ADGRL1: variants seen among roughly 807,000 people sequenced by gnomAD.
ADGRL1 encodes the protein CIRL-1.
In ADGRL1, 31 loss-of-function variants were observed where a neutral mutation model predicts 148.9. The ratio of observed to expected loss-of-function variants is 0.21; its 90% CI spans 0.16 to 0.28. ADGRL1 has a LOEUF of 0.28. Among genes scored for constraint, ADGRL1 ranks in the 10% least tolerant of loss-of-function variants. The probability of loss-of-function intolerance (pLI) is 1.00; values close to 1 mark genes in which losing one functional copy is unlikely to be tolerated. For synonymous variants in ADGRL1, 937 were observed against 900.3 expected (o/e 1.04, Z -0.73); for missense variants, 1,521 against 2,058.8 (o/e 0.74, Z 5.05).
At chr19:14,158,221 A>C in intron 12 of ADGRL1, 117 bp downstream of exon 12, 1 of 1,275,952 alleles carries the variant, frequency 7.8e-7, no homozygotes, top group Non-Finnish European at 1.1e-6. Context: ...CCCAAGCTCT[A>C]AAGTGGAAGA....
intron 1 of ADGRL1, among the ~76,000 whole-genome samples, chr19:14,190,622 CT>C (rs1971867908): frequency 6.6e-6 from 1 of 152,244 alleles, no homozygotes; most frequent in Admixed American, 6.5e-5. Context: ...CATCCCCCGC[CT>C]TCCCCTGTGC....
Position 14,159,717 on chromosome 19 carries a change from G to T in ADGRL1, c.1839+18C>A. On this transcript the variant is annotated intron_variant, in intron 9 of 22. Coordinates refer to ENST00000361434, the MANE Select transcript of ADGRL1 (RefSeq NM_014921.5). This position sits in a 1 kb window ranked among gnomAD's most constrained non-coding sequence, Gnocchi z 6.0. ...GCTGGAGCCCACGGTCCTTACACTG[G>T]GACCCCCTGGGTCTCACCTTGATAT... The T allele has an allele frequency of 6.2e-7, 1 of 1,612,472 alleles. No individual in the cohort carries two copies. Among genetic ancestry groups the T allele is most frequent in the South Asian group, 1.1e-5 (1 of 91,052 alleles).
Position 14,161,183 on chromosome 19 carries a change from A to G in ADGRL1, c.1510+129T>C. On this transcript the variant is annotated intron_variant, in intron 6 of 22. Transcript: ENST00000361434. The surrounding 1 kb of genome is among the most constrained non-coding windows in gnomAD (Gnocchi z 4.4). ...CTGTGCCCTGAGAGCTCTGCTGGTC[A>G]CTGGGGATGACCCCTGCCCTCAGAA... 2.2e-6 allele frequency: 2 copies of G among 923,434 alleles called. No homozygotes were observed. Among genetic ancestry groups the G allele is most frequent in the African/African-American group, 1.7e-5 (1 of 58,144 alleles). 57.2% of individuals were successfully genotyped at this position (923,434 alleles called of 1,614,324 possible).
At position 14,160,636 on chromosome 19, in the gene ADGRL1, A is replaced by T; in HGVS notation, c.1571T>A (p.Leu524His). Residue 524 changes from leucine (L) to histidine (H), a missense_variant, in exon 7 of 23, where the codon CTC becomes CAC. By Grantham distance (99) the Leu-to-His change is moderately conservative (BLOSUM62 -3). Around this residue, in one of 8 missense-constraint regions of ADGRL1, gnomAD observed 270 missense variants for 320.4 expected, o/e 0.84. Transcript: ENST00000361434. The surrounding 1 kb of genome is among the most constrained non-coding windows in gnomAD (Gnocchi z 5.9). ...LGLWNPRGPD[L>H]SNCTSPWVNQ... The stretch of plus-strand genomic sequence containing the variant: ...GACCCAGGGGGAGGTGCAGTTGCTG[A>T]GGTCAGGGCCCCGGGGGTTCCAGAG... 1 of 1,612,410 alleles carries T rather than the reference A, an allele frequency of 6.2e-7. No homozygotes were observed. The highest frequency in any genetic ancestry group is 8.5e-7 in the Non-Finnish European group (1 of 1,179,484).
rs908951400 is a variant in ADGRL1, at chr19:14,201,955, C to T, written c.-96+4030G>A. On this transcript the variant is annotated intron_variant, in intron 1 of 22. Coordinates refer to ENST00000361434, the MANE Select transcript of ADGRL1 (RefSeq NM_014921.5). Reference sequence around the variant, plus strand: ...TTTGCAGAAGGTGCCTGGGAGTAAACGTTACTGGGGAGGTGATATTTCAAG... The same window carrying T: ...TTTGCAGAAGGTGCCTGGGAGTAAATGTTACTGGGGAGGTGATATTTCAAG... Among the ~76,000 whole-genome samples, 9 of 152,106 alleles carry T rather than the reference C, an allele frequency of 5.9e-5. No individual in the cohort carries two copies. The East Asian group carries it at 7.7e-4, about 13-fold the overall frequency.
In ADGRL1 at chr19:14,161,155, C is replaced by T. The variant is rs1969326678; in HGVS notation, c.1510+157G>A. On this transcript the variant is annotated intron_variant, in intron 6 of 22. Coordinates refer to ENST00000361434, the MANE Select transcript of ADGRL1 (RefSeq NM_014921.5). The surrounding 1 kb of genome is among the most constrained non-coding windows in gnomAD (Gnocchi z 4.4). ...AGGTGGGGCCAGGGGCACTGAGTGG[C>T]TCCTGTGCCCTGAGAGCTCTGCTGG... Among the ~76,000 whole-genome samples the T allele has an allele frequency of 6.6e-6, 1 of 152,244 alleles. No homozygotes were observed. The highest frequency in any genetic ancestry group is 2.4e-5 in the African/African-American group (1 of 41,472).
In ADGRL1 at chr19:14,157,205, C is replaced by G. The variant is rs377417511; in HGVS notation, c.2745+46G>C. 1.9e-6 allele frequency: 3 copies of G among 1,613,224 alleles called. No homozygotes were observed. Among genetic ancestry groups the G allele is most frequent in the Non-Finnish European group, 1.7e-6 (2 of 1,179,448 alleles). ...TGGACAGGTGTCCCCCTTCTTCTCC[C>G]GGCCCCCAGGCGCTGGCCGTCACCT... On this transcript the variant is annotated intron_variant, in intron 14 of 22. Coordinates refer to ENST00000361434, the MANE Select transcript of ADGRL1 (RefSeq NM_014921.5). This position sits in a 1 kb window ranked among gnomAD's most constrained non-coding sequence, Gnocchi z 7.5.
chr19:14,188,194 A>G (rs1971705674), intron 1 of ADGRL1, among the ~76,000 whole-genome samples: 1 of 152,144 alleles, frequency 6.6e-6, no homozygotes, highest in East Asian at 1.9e-4. Context: ...ATTTTGCCTT[A>G]TACATGCCCT....
In ADGRL1 at chr19:14,162,684, C is replaced by T. The variant is rs1364595862; in HGVS notation, c.1117G>A (p.Asp373Asn). 1.2e-5 allele frequency: 19 copies of T among 1,613,898 alleles called. No individual in the cohort carries two copies. The highest frequency in any genetic ancestry group is 2.7e-5 in the African/African-American group (2 of 74,874). Residue 373 changes from aspartate to asparagine, a missense_variant, in exon 5 of 23, where the codon GAC (aspartate) becomes AAC (asparagine). By Grantham distance (23) the Asp-to-Asn change is conservative. Transcript: ENST00000361434. This position sits in a 1 kb window ranked among gnomAD's most constrained non-coding sequence, Gnocchi z 5.4. ...FISSVDYNPR[D>N]NQLYVWNNYF... ...TTGTTCCAGACGTACAGCTGGTTGT[C>T]GCGAGGGTTGTAGTCAACGGAGGAG...
chr19:14,162,927 G>A lies in ADGRL1; in HGVS notation c.874C>T (p.Pro292Ser). Reference sequence around the variant, plus strand: ...GTGCCCTCAAAGCGCAGTGTGTAGGGGTTCAGCTGGCTCACCACCAGCCGC... The same window carrying A: ...GTGCCCTCAAAGCGCAGTGTGTAGGAGTTCAGCTGGCTCACCACCAGCCGC... The part of the protein sequence containing the change: ...NGRLVVSQLN[P>S]YTLRFEGTWE... The change falls in exon 5 of 23, where the codon CCC (proline) becomes TCC (serine). Residue 292 changes from proline to serine, a missense_variant. This residue lies in a region of ADGRL1 where 334 missense variants were observed against 512.5 expected (regional missense o/e 0.65). Transcript: ENST00000361434. This position sits in a 1 kb window ranked among gnomAD's most constrained non-coding sequence, Gnocchi z 5.4. 6.2e-7 allele frequency: 1 copy of A among 1,613,598 alleles called. No individual in the cohort carries two copies. Among genetic ancestry groups the A allele is most frequent in the Non-Finnish European group, 8.5e-7 (1 of 1,179,860 alleles).
At chr19:14,198,263 C>A (rs780674637) in intron 1 of ADGRL1, among the ~76,000 whole-genome samples, 4 of 152,056 alleles carry the variant, frequency 2.6e-5, no homozygotes, top group African/African-American at 9.7e-5. Flanking sequence ...GAATCCTGAA[C>A]AGAGGGATGG....
intron 4 of ADGRL1, among the ~76,000 whole-genome samples, chr19:14,167,549 C>T (rs1425120875): frequency 6.6e-6 from 1 of 152,122 alleles, no homozygotes; most frequent in Non-Finnish European, 1.5e-5. Flanking sequence ...CAGTGTCTCC[C>T]AGGGCCTGGG....
chr19:14,165,122 C>T (rs1969830178), intron 4 of ADGRL1, among the ~76,000 whole-genome samples: 1 of 152,132 alleles, frequency 6.6e-6, no homozygotes. Context: ...GGGGGACAGG[C>T]AGCACTCCCT....
Position 14,151,597 on chromosome 19 carries a change from C to G in ADGRL1, c.3686G>C (p.Arg1229Pro). The stretch of plus-strand genomic sequence containing the variant: ...CAGGGTGTCCATGCCACAGGCTTCC[C>G]GGCCTCCCAAGGGGTGCTCTGCAGG... ...YREPKHPLGG[R>P]EACGMDTLPL... is the part of the protein sequence containing the mutation. The change falls in exon 23 of 23, where the codon CGG (arginine) becomes CCG (proline). Residue 1229 changes from arginine (R) to proline (P), a missense_variant. Physicochemically the swap from Arg to Pro is moderately radical, Grantham distance 103. Transcript: ENST00000361434. 1 of 1,603,084 alleles carries G rather than the reference C, an allele frequency of 6.2e-7. No homozygotes were observed. Among genetic ancestry groups the G allele is most frequent in the Non-Finnish European group, 8.5e-7 (1 of 1,178,196 alleles).
Position 14,161,223 on chromosome 19 carries a change from A to C in ADGRL1, c.1510+89T>G. On this transcript the variant is annotated intron_variant, in intron 6 of 22. Coordinates refer to ENST00000361434, the MANE Select transcript of ADGRL1 (RefSeq NM_014921.5). The surrounding 1 kb of genome is among the most constrained non-coding windows in gnomAD (Gnocchi z 4.4). ...TGCCCTCAGAAAACCTCTGCTCCGC[A>C]GTAGAGACCCCCACCCACACATGCA... 1 of 1,286,538 alleles carries C rather than the reference A, an allele frequency of 7.8e-7. No homozygotes were observed. Among genetic ancestry groups the C allele is most frequent in the Non-Finnish European group, 1.0e-6 (1 of 966,582 alleles). The allele number at this position is 1,286,538 out of a possible 1,614,324, so 79.7% of individuals were successfully genotyped here.
intron 1 of ADGRL1, among the ~76,000 whole-genome samples, chr19:14,188,136 T>C (rs1971701341): frequency 6.6e-6 from 1 of 152,106 alleles, no homozygotes; most frequent in Admixed American, 6.6e-5. Flanking sequence ...GGGAAGCCAC[T>C]CGATGCCAAA....
chr19:14,158,285 G>A, intron 12 of ADGRL1, 53 bp downstream of exon 12: 2 of 1,565,620 alleles, frequency 1.3e-6, no homozygotes, highest in Non-Finnish European at 1.8e-6. Flanking sequence ...CACAGCCTGG[G>A]AACACAGAGG....
intron 18 of ADGRL1, among the ~76,000 whole-genome samples, chr19:14,153,411 ATTTTT>A (rs36035971): frequency 8.9e-6 from 1 of 112,322 alleles, no homozygotes. Context: ...GCAGGTTGTG[ATTTTT>A]TTTTTTTTTT....
Position 14,157,394 on chromosome 19 carries a change from C to A in ADGRL1, c.2602G>T (p.Val868Phe). ...GTGGAGATGCAGATGGCCAAGCAGA[C>A]CAGGGAGATCACAATGCCCACCCAG... ...ITWVGIVISLVCLAICISTFC... is the reference protein window; with the variant it reads ...ITWVGIVISLFCLAICISTFC... The change falls in exon 14 of 23, where the codon GTC becomes TTC. Residue 868 changes from valine (V) to phenylalanine (F), a missense_variant. Around this residue, in one of 8 missense-constraint regions of ADGRL1, gnomAD observed 265 missense variants for 431.9 expected, o/e 0.61. Coordinates refer to ENST00000361434, the MANE Select transcript of ADGRL1 (RefSeq NM_014921.5). This position sits in a 1 kb window ranked among gnomAD's most constrained non-coding sequence, Gnocchi z 7.5. The A allele has an allele frequency of 6.2e-7, 1 of 1,614,178 alleles. No individual in the cohort carries two copies. Among genetic ancestry groups the A allele is most frequent in the Non-Finnish European group, 8.5e-7 (1 of 1,180,012 alleles).
Sources: gnomAD v4.1 joint callset for allele counts (sites outside exome capture counted in the v4.1 genomes callset) on GRCh38, gnomAD v4.1.1 for gene constraint, gnomAD v4.1.1 regional missense constraint, Gnocchi (gnomAD v3.1) non-coding constraint, MANE v1.5 for transcripts, NCBI Gene and HGNC (gene_info 2026-07-23, HGNC 2026-07-21) for gene names.